The following FSTL4 variants were observed in gnomAD, a reference collection of about 807,000 sequenced individuals.
The protein encoded by FSTL4 is follistatin like 4, also known as follistatin-related protein 4.
A neutral mutation model predicts 78.2 loss-of-function variants in FSTL4; 28 were observed. The ratio of observed to expected loss-of-function variants is 0.36; its 90% CI spans 0.27 to 0.49. FSTL4 has a LOEUF of 0.49. Among genes scored for constraint, FSTL4 ranks in the 20% least tolerant of loss-of-function variants. The pLI is 0.98. For missense variants in FSTL4, 922 were observed against 1,084.9 expected, an observed-to-expected ratio of 0.85 and a Z score of 2.11; for synonymous variants, 422 against 440.5, an observed-to-expected ratio of 0.96 and a Z score of 0.53.
intron 3 of FSTL4, among the ~76,000 whole-genome samples, chr5:133,409,475 TC>T (rs1756435990): frequency 1.3e-5 from 2 of 152,180 alleles, no homozygotes; most frequent in South Asian, 4.1e-4. Context: ...TCCAGAGCTT[TC>T]CCCCCAGCCC....
chr5:133,404,214 G>A (rs1756302869), intron 3 of FSTL4, among the ~76,000 whole-genome samples: 1 of 152,318 alleles, frequency 6.6e-6, no homozygotes, highest in South Asian at 2.1e-4. Context: ...CTGATCCACA[G>A]CTACACAGAT....
chr5:133,473,070 C>G (rs1251776792), intron 3 of FSTL4, among the ~76,000 whole-genome samples: 6 of 152,214 alleles, frequency 3.9e-5, no homozygotes, highest in Non-Finnish European at 2.9e-5. Flanking sequence ...TTCTGACACG[C>G]CTTCCCCTCC....
At chr5:133,657,766 G>GT in the FSTL4 span, among the ~76,000 whole-genome samples, 509 of 85,906 alleles carry the variant, frequency 5.9e-3, 5 homozygotes, top group South Asian at 9.1e-3. Context: ...ACTGTTTTTT[G>GT]TTTTTTTTGT....
At chr5:133,203,807 C>T (rs1412749121) in intron 14 of FSTL4, among the ~76,000 whole-genome samples, 10 of 152,178 alleles carry the variant, frequency 6.6e-5, no homozygotes, top group African/African-American at 1.2e-4. Flanking sequence ...ATGTCATTCA[C>T]GCTTCACTGC....
chr5:133,623,579 T>C, the FSTL4 span, among the ~76,000 whole-genome samples: 37,370 of 151,906 alleles, frequency 0.25, 5,930 homozygotes, highest in African/African-American at 0.46. Context: ...TCTTCATGAC[T>C]TTGGATTTGG....
intron 2 of FSTL4, among the ~76,000 whole-genome samples, chr5:133,580,652 C>T (rs1760381870): frequency 1.3e-5 from 2 of 152,198 alleles, no homozygotes; most frequent in African/African-American, 4.8e-5. Flanking sequence ...GGGGCTGGCA[C>T]TGGAGTAGGT....
chr5:133,268,977 C>A (rs527691195), intron 6 of FSTL4, among the ~76,000 whole-genome samples: 2 of 151,650 alleles, frequency 1.3e-5, no homozygotes, highest in Non-Finnish European at 2.9e-5. Context: ...GTCAGGAGAT[C>A]GAGACCATCC....
the FSTL4 span, among the ~76,000 whole-genome samples, chr5:133,806,696 T>G: frequency 3.3e-5 from 5 of 152,182 alleles, no homozygotes; most frequent in African/African-American, 1.2e-4. Flanking sequence ...GGATAGGAAG[T>G]GCCCCTGCCC....
intron 3 of FSTL4, among the ~76,000 whole-genome samples, chr5:133,443,885 C>A (rs1757210566): frequency 6.6e-6 from 1 of 152,232 alleles, no homozygotes; most frequent in Admixed American, 6.5e-5. Flanking sequence ...TCAGAATACT[C>A]CCCCTCACTC....
At chr5:133,672,955 A>G in the FSTL4 span, among the ~76,000 whole-genome samples, 5 of 152,218 alleles carry the variant, frequency 3.3e-5, no homozygotes, top group Admixed American at 2.6e-4. Context: ...GACATGAGAC[A>G]TCAATCAATA....
chr5:133,326,682 A>G (rs1754220613), intron 4 of FSTL4, among the ~76,000 whole-genome samples: 1 of 152,218 alleles, frequency 6.6e-6, no homozygotes, highest in African/African-American at 2.4e-5. Flanking sequence ...CCAGTTCCAC[A>G]GAGCTGTTTC....
intron 3 of FSTL4, among the ~76,000 whole-genome samples, chr5:133,424,242 T>C (rs938378926): frequency 2.6e-5 from 4 of 152,210 alleles, no homozygotes; most frequent in African/African-American, 4.8e-5. Context: ...TGAGTGATTC[T>C]GCTGCGCGGG....
At chr5:133,815,922 CAACAA>C in the FSTL4 span, among the ~76,000 whole-genome samples, 1 of 152,118 alleles carries the variant, frequency 6.6e-6, no homozygotes, top group Non-Finnish European at 1.5e-5. Flanking sequence ...TTATACAGAC[CAACAA>C]AGACACTCCA....
intron 3 of FSTL4, among the ~76,000 whole-genome samples, chr5:133,524,518 C>G (rs1759049731): frequency 6.6e-6 from 1 of 152,154 alleles, no homozygotes; most frequent in Admixed American, 6.5e-5. Flanking sequence ...ATTCAAGATG[C>G]TGTAACTTGC....
the FSTL4 span, among the ~76,000 whole-genome samples, chr5:133,697,075 C>T: frequency 6.6e-6 from 1 of 152,324 alleles, no homozygotes; most frequent in African/African-American, 2.4e-5. Flanking sequence ...GCTTGGAAAC[C>T]ACCATGGCAA....
At chr5:133,422,559 G>GAA (rs58139907) in intron 3 of FSTL4, among the ~76,000 whole-genome samples, 14 of 147,936 alleles carry the variant, frequency 9.5e-5, no homozygotes, top group African/African-American at 1.2e-4. Context: ...GGTTTGGAAG[G>GAA]AAAAAAAAAA....
chr5:133,644,744 C>G, the FSTL4 span, among the ~76,000 whole-genome samples: 2 of 152,106 alleles, frequency 1.3e-5, no homozygotes, highest in Non-Finnish European at 2.9e-5. Context: ...AGACCCATAC[C>G]CTGCCCTCTA....
intron 4 of FSTL4, among the ~76,000 whole-genome samples, chr5:133,359,440 A>G (rs1755019416): frequency 6.6e-6 from 1 of 152,240 alleles, no homozygotes; most frequent in Non-Finnish European, 1.5e-5. Context: ...ATGAGGCCAG[A>G]CACAAAAGAG....
chr5:133,417,440 A>G (rs1405362072), intron 3 of FSTL4, among the ~76,000 whole-genome samples: 1 of 152,148 alleles, frequency 6.6e-6, no homozygotes, highest in East Asian at 1.9e-4. Context: ...AGGAGAGGAG[A>G]TAATGAATAG....
Sources: gnomAD v4.1 joint callset for allele counts (sites outside exome capture counted in the v4.1 genomes callset) on GRCh38, gnomAD v4.1.1 for gene constraint, MANE v1.5 for transcripts, NCBI Gene and HGNC (gene_info 2026-07-23, HGNC 2026-07-21) for gene names.